Variants in PRUNE2 observed in about 807,000 individuals in gnomAD.
The protein encoded by PRUNE2 is prune homolog 2 with BCH domain.
PRUNE2 carries 164 observed loss-of-function variants against 252.0 expected under a neutral mutation model. That is an observed-to-expected ratio of 0.65 (90% confidence interval 0.57 to 0.74). The LOEUF is 0.74. Ranked by LOEUF, PRUNE2 falls within the 30% of genes least tolerant of loss-of-function variation. The pLI is 0.00. For missense variants in PRUNE2, 3,495 were observed against 3,711.0 expected (o/e 0.94, Z 1.51); for synonymous variants, 1,292 against 1,350.2 (o/e 0.96, Z 0.94).
intron 6 of PRUNE2, among the ~76,000 whole-genome samples, chr9:76,793,746 A>G (rs772659952): frequency 1.3e-5 from 2 of 152,198 alleles, no homozygotes; most frequent in Non-Finnish European, 2.9e-5. Context: ...TTGTTCTTGA[A>G]AAAAGGAAAA....
Position 76,705,045 on chromosome 9 carries a change from G to T in PRUNE2, c.7229C>A (p.Thr2410Lys). 1 of 1,613,990 alleles carries T rather than the reference G, an allele frequency of 6.2e-7. No homozygotes were observed. The highest frequency in any genetic ancestry group is 8.5e-7 in the Non-Finnish European group (1 of 1,179,886). ...CTCTGGAGACCCAGCTTCCTCTATT[G>T]TTTCAGCACTCTGGGCAGGTTCTGT... ...YLTEPAQSAE[T>K]IEEAGSPEDE... The change falls in exon 8 of 19, where the codon ACA (threonine) becomes AAA (lysine). Residue 2410 changes from threonine (T) to lysine (K), a missense_variant. By Grantham distance (78) the Thr-to-Lys change is moderately conservative. Coordinates refer to ENST00000376718, the MANE Select transcript of PRUNE2 (RefSeq NM_015225.3).
At chr9:76,899,901 T>G (rs999292926) in intron 1 of PRUNE2, among the ~76,000 whole-genome samples, 5 of 152,092 alleles carry the variant, frequency 3.3e-5, no homozygotes, top group Non-Finnish European at 7.4e-5. Flanking sequence ...GGATAGCAGA[T>G]CAGGTCATAC....
At chr9:76,742,315 C>A (rs886114404) in intron 6 of PRUNE2, among the ~76,000 whole-genome samples, 2 of 151,822 alleles carry the variant, frequency 1.3e-5, no homozygotes, top group Admixed American at 6.6e-5. Context: ...TAAAAAAAAT[C>A]AATTAGAAGA....
chr9:76,710,957 G>A lies in PRUNE2; in HGVS notation c.1317C>T (p.Ser439=), dbSNP rs1239745641. 2.5e-6 allele frequency: 4 copies of A among 1,597,750 alleles called. No individual in the cohort carries two copies. In the East Asian group the frequency reaches 6.7e-5, roughly 27 times the overall value. Residue 439 remains serine, a synonymous_variant, in exon 8 of 19, where the codon TCC becomes TCT. Transcript: ENST00000376718. ...GLATIRSSRS[S]KESSVFLSDD... ...CACTGAGGAAAACAGAGCTCTCCTTGGATGAGCGGCTGCTCCTAATGGTAG... is the reference window on the plus strand; with the variant it reads ...CACTGAGGAAAACAGAGCTCTCCTTAGATGAGCGGCTGCTCCTAATGGTAG...
chr9:76,794,947 G>C (rs7024005), intron 6 of PRUNE2, among the ~76,000 whole-genome samples: 73,550 of 151,936 alleles, frequency 0.48, 19,741 homozygotes, highest in African/African-American at 0.73. Context: ...GTCTGTTGAT[G>C]TAGACCTACT....
At chr9:76,737,706 T>C (rs563839392) in intron 6 of PRUNE2, 1 of 152,258 alleles carries the variant, frequency 6.6e-6, no homozygotes, top group Non-Finnish European at 1.5e-5. Context: ...CTCATTTCAA[T>C]GAATTGAAGA....
At chr9:76,858,233 A>G (rs1398647150) in intron 1 of PRUNE2, among the ~76,000 whole-genome samples, 1 of 152,224 alleles carries the variant, frequency 6.6e-6, no homozygotes, top group Non-Finnish European at 1.5e-5. Flanking sequence ...CCCATCCCTC[A>G]CTGCACTTGC....
intron 4 of PRUNE2, among the ~76,000 whole-genome samples, chr9:76,839,068 GT>G (rs1030281960): frequency 6.6e-6 from 1 of 150,930 alleles, no homozygotes; most frequent in African/African-American, 2.4e-5. Context: ...GAGTTTGTTT[GT>G]TTTTTTTTAA....
At chr9:76,901,653 C>T (rs2133741467) in intron 1 of PRUNE2, among the ~76,000 whole-genome samples, 1 of 152,348 alleles carries the variant, frequency 6.6e-6, no homozygotes, top group South Asian at 2.1e-4. Flanking sequence ...TGTAATCACT[C>T]TAATGCAGTT....
Position 76,629,196 on chromosome 9 carries a change from T to G in PRUNE2, c.9145A>C (p.Ile3049Leu). Reference protein sequence around the residue: ...MDCIHIPESIIKLDEELREAS... With the variant: ...MDCIHIPESILKLDEELREAS... ...TCTGAAACTGTCAGGACTTACTTGA[T>G]GATGCTCTCTGGAATGTGGATGCAA... is the stretch of plus-strand genomic sequence containing the variant. The change falls in exon 16 of 19, where the codon ATC (isoleucine) becomes CTC (leucine). Residue 3049 changes from isoleucine (I) to leucine (L), a missense_variant. Coordinates refer to ENST00000376718, the MANE Select transcript of PRUNE2 (RefSeq NM_015225.3). 1 of 1,587,688 alleles carries G rather than the reference T, an allele frequency of 6.3e-7. No homozygotes were observed. The highest frequency in any genetic ancestry group is 8.6e-7 in the Non-Finnish European group (1 of 1,159,826).
chr9:76,746,378 T>A (rs1466757009), intron 6 of PRUNE2, among the ~76,000 whole-genome samples: 1 of 152,116 alleles, frequency 6.6e-6, no homozygotes, highest in African/African-American at 2.4e-5. Context: ...AAAGATGTAA[T>A]CAGTCATGCC....
intron 9 of PRUNE2, among the ~76,000 whole-genome samples, chr9:76,682,043 A>G (rs915501878): frequency 2.6e-5 from 4 of 152,170 alleles, no homozygotes; most frequent in African/African-American, 9.7e-5. Flanking sequence ...AGAGGAGGTG[A>G]CAAAATGAGA....
intron 6 of PRUNE2, among the ~76,000 whole-genome samples, chr9:76,807,990 C>T (rs151153614): frequency 0.016 from 2,385 of 152,142 alleles, 54 homozygotes; most frequent in African/African-American, 0.053. Flanking sequence ...CCAGCCTGGC[C>T]AATATGGTGA....
At chr9:76,676,199 C>T (rs982105874) in intron 9 of PRUNE2, among the ~76,000 whole-genome samples, 34 of 150,106 alleles carry the variant, frequency 2.3e-4, no homozygotes, top group African/African-American at 8.3e-4. Context: ...CTGCAGATGG[C>T]TTTGAATATG....
intron 6 of PRUNE2, among the ~76,000 whole-genome samples, chr9:76,716,359 C>A (rs541580589): frequency 6.6e-6 from 1 of 152,324 alleles, no homozygotes; most frequent in South Asian, 2.1e-4. Context: ...GCAGGATCTG[C>A]ATTTTCCAAC....
At chr9:76,679,621 A>C (rs937096731) in intron 9 of PRUNE2, among the ~76,000 whole-genome samples, 3 of 152,280 alleles carry the variant, frequency 2.0e-5, no homozygotes, top group Admixed American at 6.5e-5. Context: ...GTATCATGTC[A>C]CTGCACCCCA....
chr9:76,705,360 T>C lies in PRUNE2; in HGVS notation c.6914A>G (p.Asp2305Gly), dbSNP rs745731361. ...CGTGGATGTGTTGAGACCTGAGGCA[T>C]CGCTGAAACTGTGGTCAAAGGCAGC... is the stretch of plus-strand genomic sequence containing the variant. The part of the protein sequence containing the change: ...SEAAFDHSFS[D>G]ASGLNTSTGT... The change falls in exon 8 of 19, where the codon GAT becomes GGT. Residue 2305 changes from aspartate (D) to glycine (G), a missense_variant. By Grantham distance (94) the Asp-to-Gly change is moderately conservative. Transcript: ENST00000376718. 3.5e-5 allele frequency: 57 copies of C among 1,614,036 alleles called. No homozygotes were observed. Among genetic ancestry groups the C allele is most frequent in the Non-Finnish European group, 4.7e-5 (56 of 1,179,882 alleles).
intron 4 of PRUNE2, among the ~76,000 whole-genome samples, chr9:76,846,254 A>G (rs548100239): frequency 3.3e-5 from 5 of 152,222 alleles, no homozygotes; most frequent in Non-Finnish European, 7.3e-5. Context: ...GCTCCCTAAC[A>G]GAGGTGCAGC....
chr9:76,796,210 G>C (rs1196461570), intron 6 of PRUNE2, among the ~76,000 whole-genome samples: 1 of 152,178 alleles, frequency 6.6e-6, no homozygotes, highest in African/African-American at 2.4e-5. Context: ...AATCTTGCTA[G>C]CTCCAAAGGA....
Sources: gnomAD v4.1 joint callset for allele counts (sites outside exome capture counted in the v4.1 genomes callset) on GRCh38, gnomAD v4.1.1 for gene constraint, MANE v1.5 for transcripts, NCBI Gene and HGNC (gene_info 2026-07-23, HGNC 2026-07-21) for gene names.